The following PCSK5 variants were observed in gnomAD, a reference collection of about 807,000 sequenced individuals.
PCSK5 encodes the protein proprotein convertase subtilisin/kexin type 5, also known as prohormone convertase 5.
PCSK5 carries 129 observed loss-of-function variants against 233.2 expected under a neutral mutation model. The ratio of observed to expected loss-of-function variants is 0.55; its 90% CI spans 0.48 to 0.64. The LOEUF (loss-of-function observed/expected upper bound fraction) is 0.64. Among genes scored for constraint, PCSK5 ranks in the 30% least tolerant of loss-of-function variants. The probability of loss-of-function intolerance (pLI) is 0.00; values close to 1 mark genes in which losing one functional copy is unlikely to be tolerated. For synonymous variants in PCSK5, 825 were observed against 879.2 expected (o/e 0.94, Z 1.09); for missense variants, 2,076 against 2,430.1 (o/e 0.85, Z 3.06).
intron 37 of PCSK5, 28 bp downstream of exon 37, chr9:76,354,247 G>A (rs1342517951): frequency 1.3e-6 from 2 of 1,531,084 alleles, no homozygotes; most frequent in Non-Finnish European, 1.8e-6. Context: ...GCAGCCTGCA[G>A]AGGAAGGGCA....
At chr9:76,081,996 C>A (rs1210147992) in intron 7 of PCSK5, among the ~76,000 whole-genome samples, 1 of 152,254 alleles carries the variant, frequency 6.6e-6, no homozygotes, top group East Asian at 1.9e-4. Context: ...ATACTGCAGT[C>A]AATGAAGTAT....
chr9:76,127,428 T>C (rs925323489), intron 9 of PCSK5, among the ~76,000 whole-genome samples: 1 of 152,060 alleles, frequency 6.6e-6, no homozygotes, highest in African/African-American at 2.4e-5. Flanking sequence ...ACATGTAGAG[T>C]AGATTTATTG....
At chr9:75,975,895 G>A (rs1315560703) in intron 2 of PCSK5, among the ~76,000 whole-genome samples, 1 of 152,152 alleles carries the variant, frequency 6.6e-6, no homozygotes, top group Non-Finnish European at 1.5e-5. Context: ...TGTTTTTCAT[G>A]CAGTGATGAT....
chr9:76,083,966 T>G (rs1830961015), intron 7 of PCSK5, among the ~76,000 whole-genome samples: 2 of 152,214 alleles, frequency 1.3e-5, no homozygotes, highest in Admixed American at 1.3e-4. Flanking sequence ...ACTGTTAAAC[T>G]GGTCAGCAAA....
chr9:76,354,259 G>A, intron 37 of PCSK5, 40 bp downstream of exon 37: 1 of 1,489,702 alleles, frequency 6.7e-7, no homozygotes, highest in Non-Finnish European at 9.0e-7. Flanking sequence ...GGAAGGGCAT[G>A]TCCTCAAGAA....
chr9:76,014,197 A>T (rs898453217), intron 3 of PCSK5, among the ~76,000 whole-genome samples: 4 of 152,166 alleles, frequency 2.6e-5, no homozygotes, highest in Non-Finnish European at 5.9e-5. Flanking sequence ...TTTAGAAAAG[A>T]ATGAGAGGTG....
chr9:76,356,244 C>G (rs73652929), intron 37 of PCSK5, among the ~76,000 whole-genome samples: 1,603 of 152,278 alleles, frequency 0.011, 21 homozygotes, highest in African/African-American at 0.036. Flanking sequence ...AAAGACTGTT[C>G]CAACTAAGAA....
chr9:76,034,900 T>A (rs1828795299), intron 5 of PCSK5, among the ~76,000 whole-genome samples: 1 of 152,138 alleles, frequency 6.6e-6, no homozygotes, highest in East Asian at 1.9e-4. Flanking sequence ...GCAAAATGTG[T>A]CCGAATTGAA....
intron 5 of PCSK5, among the ~76,000 whole-genome samples, chr9:76,044,266 C>T (rs1230154031): frequency 6.6e-6 from 1 of 152,108 alleles, no homozygotes; most frequent in African/African-American, 2.4e-5. Flanking sequence ...AATGAGTTGG[C>T]ATGTATTCAT....
At chr9:75,915,547 G>C (rs973499891) in intron 1 of PCSK5, among the ~76,000 whole-genome samples, 6 of 152,216 alleles carry the variant, frequency 3.9e-5, no homozygotes, top group Admixed American at 3.3e-4. Context: ...TGGCATGTTA[G>C]AACTAAGAAG....
At chr9:76,247,295 A>G (rs2377529) in intron 24 of PCSK5, among the ~76,000 whole-genome samples, 60,671 of 151,990 alleles carry the variant, frequency 0.4, 12,327 homozygotes, top group Middle Eastern at 0.45. Context: ...AGAAGAGTGC[A>G]GTTGCAAGAT....
chr9:76,000,107 T>C (rs1827201667), intron 3 of PCSK5, among the ~76,000 whole-genome samples: 2 of 152,094 alleles, frequency 1.3e-5, no homozygotes, highest in Admixed American at 1.3e-4. Context: ...AAAAAGTGGG[T>C]GAAGGATGAT....
chr9:76,213,713 A>T (rs1269816973), intron 20 of PCSK5, among the ~76,000 whole-genome samples: 1 of 151,802 alleles, frequency 6.6e-6, no homozygotes, highest in Admixed American at 6.6e-5. Flanking sequence ...TACCCCTCTA[A>T]CTGATGTTCC....
intron 2 of PCSK5, among the ~76,000 whole-genome samples, chr9:75,981,904 G>A (rs894966317): frequency 9.2e-5 from 14 of 152,140 alleles, no homozygotes; most frequent in Non-Finnish European, 1.5e-5. Flanking sequence ...ATGATAGTGT[G>A]TATAGGTAAC....
intron 35 of PCSK5, 84 bp from the exon 36 acceptor site, chr9:76,350,744 T>C: frequency 1.2e-6 from 1 of 844,896 alleles, no homozygotes. Flanking sequence ...ACTTGACATA[T>C]TCCTTGTTCC....
intron 7 of PCSK5, among the ~76,000 whole-genome samples, chr9:76,095,034 A>G (rs1337765637): frequency 6.6e-6 from 1 of 152,180 alleles, no homozygotes; most frequent in East Asian, 1.9e-4. Flanking sequence ...ATTATATTAG[A>G]CTGTATCCTG....
intron 24 of PCSK5, among the ~76,000 whole-genome samples, chr9:76,290,382 T>A (rs1231482542): frequency 6.6e-6 from 1 of 152,178 alleles, no homozygotes; most frequent in African/African-American, 2.4e-5. Context: ...CTAATTAGCC[T>A]GGTTTTTGGT....
rs114508164 is a variant in PCSK5, at chr9:76,308,722, C to T, written c.3682C>T (p.Pro1228Ser). 5,806 of 1,603,430 alleles carry T rather than the reference C, an allele frequency of 3.6e-3. 165 individuals carry two copies. The African/African-American group carries it at 0.065, about 18-fold the overall frequency. Residue 1228 changes from proline (P) to serine (S), a missense_variant, in exon 29 of 38, where the codon CCC becomes TCC. Coordinates refer to ENST00000674117, the MANE Select transcript of PCSK5 (RefSeq NM_001372043.1). ...ATCTGCAACTCTGTGCACTTCATGT[C>T]CCAAAGGTTAGTGTGTTGCGTGACA... ...NGSATLCTSC[P>S]KGAYLLAQAC...
At chr9:76,311,426 A>G (rs944068899) in intron 30 of PCSK5, among the ~76,000 whole-genome samples, 4 of 152,092 alleles carry the variant, frequency 2.6e-5, no homozygotes, top group Non-Finnish European at 4.4e-5. Flanking sequence ...CCTCCATTAC[A>G]AAAGTAAGGC....
Sources: allele counts gnomAD v4.1 joint callset (sites outside exome capture counted in the v4.1 genomes callset), GRCh38; gene constraint gnomAD v4.1.1; transcripts MANE v1.5; gene names NCBI Gene and HGNC (gene_info 2026-07-23, HGNC 2026-07-21).